The following KCNJ16 variants were observed in gnomAD, a reference collection of about 807,000 sequenced individuals.
KCNJ16 encodes the protein inward rectifier potassium channel 16.
KCNJ16 carries 15 observed loss-of-function variants against 18.5 expected under a neutral mutation model. The ratio of observed to expected loss-of-function variants is 0.81; its 90% CI spans 0.54 to 1.25. The LOEUF (loss-of-function observed/expected upper bound fraction) is 1.25. Ranked by LOEUF, KCNJ16 falls within the 50% of genes most tolerant of loss-of-function variation. The pLI, the probability that KCNJ16 is intolerant of heterozygous loss-of-function variation, is 0.00. For synonymous variants in KCNJ16, 174 were observed against 186.5 expected, an observed-to-expected ratio of 0.93 and a Z score of 0.55; for missense variants, 523 against 525.7, an observed-to-expected ratio of 0.99 and a Z score of 0.05.
intron 1 of KCNJ16, among the ~76,000 whole-genome samples, chr17:70,085,223 A>T (rs1005571928): frequency 1.3e-5 from 2 of 152,252 alleles, no homozygotes; most frequent in Middle Eastern, 3.2e-3. Flanking sequence ...CCAATAACAA[A>T]GGAACATGTG....
chr17:70,103,553 T>C (rs1004919926), intron 2 of KCNJ16, among the ~76,000 whole-genome samples: 2 of 151,916 alleles, frequency 1.3e-5, no homozygotes, highest in African/African-American at 4.8e-5. Context: ...TTTTTCTCAG[T>C]CTTCTTAGTT....
At chr17:70,115,697 T>C (rs1488838872) in intron 2 of KCNJ16, among the ~76,000 whole-genome samples, 1 of 152,152 alleles carries the variant, frequency 6.6e-6, no homozygotes, top group Non-Finnish European at 1.5e-5. Flanking sequence ...CCCTGATTTG[T>C]TACCCACTGT....
rs1053893622 is a variant in KCNJ16 at position 70,134,899 on chromosome 17, T to C, written c.*1555T>C. The C allele has an allele frequency of 1.8e-5, 3 of 166,866 alleles. No individual in the cohort carries two copies. Among genetic ancestry groups the C allele is most frequent in the African/African-American group, 7.2e-5 (3 of 41,448 alleles). The allele number at this position is 166,866 out of a possible 1,614,324, so 10.3% of individuals were successfully genotyped here. On this transcript the variant is annotated 3_prime_UTR_variant, in exon 4 of 4. Transcript: ENST00000392671. ...GAAATACAAGTAAAATATATAGGTATAGGTAGATAGAGTGCCTTTCTGTTT... is the reference window on the plus strand; with the variant it reads ...GAAATACAAGTAAAATATATAGGTACAGGTAGATAGAGTGCCTTTCTGTTT...
chr17:70,089,269 T>C (rs907467741), intron 1 of KCNJ16, among the ~76,000 whole-genome samples: 1 of 152,186 alleles, frequency 6.6e-6, no homozygotes, highest in African/African-American at 2.4e-5. Flanking sequence ...TATTTCACTC[T>C]TTTTCTGAGG....
chr17:70,107,681 ATT>A (rs35929091), intron 2 of KCNJ16, among the ~76,000 whole-genome samples: 1 of 150,690 alleles, frequency 6.6e-6, no homozygotes, highest in Non-Finnish European at 1.5e-5. Context: ...ATGGCTCACA[ATT>A]TTTTTAAAAA....
chr17:70,077,888 T>C (rs984423808), intron 1 of KCNJ16, among the ~76,000 whole-genome samples: 1 of 152,178 alleles, frequency 6.6e-6, no homozygotes, highest in East Asian at 1.9e-4. Context: ...AAAGATAGTT[T>C]ATCTGAAATG....
chr17:70,081,670 T>C (rs1283934630), intron 1 of KCNJ16, among the ~76,000 whole-genome samples: 1 of 152,138 alleles, frequency 6.6e-6, no homozygotes, highest in Admixed American at 6.5e-5. Flanking sequence ...GAGTTGTGTA[T>C]GGAATTTGGT....
At chr17:70,116,686 C>T (rs2073420956) in intron 2 of KCNJ16, among the ~76,000 whole-genome samples, 1 of 152,042 alleles carries the variant, frequency 6.6e-6, no homozygotes, top group South Asian at 2.1e-4. Flanking sequence ...TACAAGCAGT[C>T]AACAAACATG....
At chr17:70,106,220 T>A (rs1024365628) in intron 2 of KCNJ16, among the ~76,000 whole-genome samples, 2 of 149,996 alleles carry the variant, frequency 1.3e-5, no homozygotes, top group Admixed American at 6.6e-5. Flanking sequence ...CTCAAAATTA[T>A]TTTTTTTAAA....
At chr17:70,077,311 G>A (rs1286757515) in intron 1 of KCNJ16, among the ~76,000 whole-genome samples, 1 of 152,062 alleles carries the variant, frequency 6.6e-6, no homozygotes, top group African/African-American at 2.4e-5. Flanking sequence ...TAGATAAGTG[G>A]AGAGACAGTG....
intron 2 of KCNJ16, among the ~76,000 whole-genome samples, chr17:70,115,752 G>A (rs183319769): frequency 6.6e-6 from 1 of 152,234 alleles, no homozygotes; most frequent in East Asian, 1.9e-4. Context: ...AATGTGATCT[G>A]ACTCCCTCTT....
chr17:70,110,879 G>A (rs1191644755), intron 2 of KCNJ16, among the ~76,000 whole-genome samples: 1 of 152,140 alleles, frequency 6.6e-6, no homozygotes, highest in Non-Finnish European at 1.5e-5. Context: ...TTTCCTTGCC[G>A]ATGTTTTAGA....
chr17:70,084,524 C>T (rs1477063823), intron 1 of KCNJ16, among the ~76,000 whole-genome samples: 1 of 152,118 alleles, frequency 6.6e-6, no homozygotes, highest in Non-Finnish European at 1.5e-5. Flanking sequence ...TGTTTGATTA[C>T]CTCTATCTTT....
intron 2 of KCNJ16, among the ~76,000 whole-genome samples, chr17:70,108,990 C>T (rs181068208): frequency 1.3e-5 from 2 of 152,186 alleles, no homozygotes; most frequent in East Asian, 3.9e-4. Flanking sequence ...AAGTGAGTGG[C>T]TCTAAAACTC....
At chr17:70,083,202 T>C (rs541886775) in intron 1 of KCNJ16, among the ~76,000 whole-genome samples, 2 of 148,216 alleles carry the variant, frequency 1.3e-5, no homozygotes, top group Non-Finnish European at 3.0e-5. Flanking sequence ...TTATATATAT[T>C]ATATATATAT....
intron 2 of KCNJ16, 57 bp from the exon 3 acceptor site, chr17:70,130,821 TA>T (rs2074030161): frequency 1.3e-6 from 1 of 741,676 alleles, no homozygotes; most frequent in Admixed American, 2.1e-5. Flanking sequence ...CATATTCTAA[TA>T]GTTACTAAGC....
chr17:70,096,778 T>TA (rs779723072), intron 1 of KCNJ16: 1 of 388,780 alleles, frequency 2.6e-6, no homozygotes. Context: ...GAATGGATAT[T>TA]AGAGTTTCTG....
At chr17:70,103,296 G>GTGTGTGTGTATATATATATATATA (rs1408960241) in intron 2 of KCNJ16, among the ~76,000 whole-genome samples, 8 of 72,046 alleles carry the variant, frequency 1.1e-4, no homozygotes, top group African/African-American at 3.1e-4. Context: ...ATGTGTGTGT[G>GTGTGTGTGTATATATATATATATA]TATATATATA....
chr17:70,113,715 C>T (rs746656462), intron 2 of KCNJ16, among the ~76,000 whole-genome samples: 2 of 152,010 alleles, frequency 1.3e-5, no homozygotes, highest in Admixed American at 1.3e-4. Context: ...CTTGGGTTGC[C>T]GCTGTGTGTG....
Sources: allele counts gnomAD v4.1 joint callset (sites outside exome capture counted in the v4.1 genomes callset), GRCh38; gene constraint gnomAD v4.1.1; transcripts MANE v1.5; gene names NCBI Gene and HGNC (gene_info 2026-07-23, HGNC 2026-07-21).